The following ZNF248 variants were observed in gnomAD, a reference collection of about 807,000 sequenced individuals.
ZNF248 encodes KRAB protein domain.
In ZNF248, 20 loss-of-function variants were observed where a neutral mutation model predicts 44.3. The observed-to-expected ratio is 0.45, with a 90% CI of 0.32 to 0.66. The LOEUF (loss-of-function observed/expected upper bound fraction) is 0.66. Among genes scored for constraint, ZNF248 ranks in the 30% least tolerant of loss-of-function variants. ZNF248 has a pLI of 0.04. For missense variants in ZNF248, 654 were observed against 677.0 expected (o/e 0.97, Z 0.38); for synonymous variants, 224 against 229.0 (o/e 0.98, Z 0.20).
At chr10:37,777,416 G>A (rs2046705115) in intron 6 of ZNF248, among the ~76,000 whole-genome samples, 1 of 151,854 alleles carries the variant, frequency 6.6e-6, no homozygotes, top group African/African-American at 2.4e-5. Flanking sequence ...TTTCCTCCCT[G>A]TTCCCCTCCC....
At chr10:37,841,560 A>T (rs927080356) in intron 3 of ZNF248, among the ~76,000 whole-genome samples, 2 of 152,222 alleles carry the variant, frequency 1.3e-5, no homozygotes, top group African/African-American at 2.4e-5. Flanking sequence ...AAGAACAGAC[A>T]AATCTCCTGC....
At chr10:37,762,412 C>T in the ZNF248 span, among the ~76,000 whole-genome samples, 5 of 152,156 alleles carry the variant, frequency 3.3e-5, no homozygotes, top group South Asian at 1.0e-3. Context: ...CCAGATCACA[C>T]ACCTAATATG....
At chr10:37,799,196 T>A (rs2049505810) in intron 6 of ZNF248, among the ~76,000 whole-genome samples, 1 of 152,028 alleles carries the variant, frequency 6.6e-6, no homozygotes, top group South Asian at 2.1e-4. Flanking sequence ...AGATTAAAGA[T>A]TTTAAGAATC....
chr10:37,849,507 AC>A (rs1311583096), intron 3 of ZNF248, among the ~76,000 whole-genome samples: 2 of 151,920 alleles, frequency 1.3e-5, no homozygotes, highest in African/African-American at 4.8e-5. Flanking sequence ...ACAAGGTGAA[AC>A]CCCGTTTCTA....
At chr10:37,828,672 G>T, downstream of ZNF248, 1 of 985,050 alleles carries the variant, frequency 1.0e-6, no homozygotes, top group East Asian at 1.1e-4. Context: ...AAGTTGCATT[G>T]AGCAGTCAAA....
chr10:37,780,923 A>T (rs1039346648), intron 6 of ZNF248, among the ~76,000 whole-genome samples: 1 of 152,196 alleles, frequency 6.6e-6, no homozygotes, highest in Non-Finnish European at 1.5e-5. Context: ...AGCACAGGGA[A>T]GCACTGCAGG....
chr10:37,850,441 G>A (rs2134694831), intron 3 of ZNF248, among the ~76,000 whole-genome samples: 1 of 152,214 alleles, frequency 6.6e-6, no homozygotes, highest in East Asian at 1.9e-4. Context: ...GCACAGACAA[G>A]CTTATTCTAA....
In ZNF248 at chr10:37,853,540, G is replaced by A. The variant is rs191618554; in HGVS notation, c.15+2756C>T. Among the ~76,000 whole-genome samples the A allele has an allele frequency of 3.7e-3, 566 of 152,132 alleles. 5 individuals are homozygous for A. Among genetic ancestry groups the A allele is most frequent in the African/African-American group, 0.013 (538 of 41,498 alleles). ...CTACAGGCGCCTGCCACCATGCCCG[G>A]CTAATTTTTTTGTACTTTTAGTAGA... On this transcript the variant is annotated intron_variant, in intron 3 of 5. Transcript: ENST00000395867.
intron 6 of ZNF248, among the ~76,000 whole-genome samples, chr10:37,823,757 A>G (rs1442663143): frequency 6.6e-6 from 1 of 151,998 alleles, no homozygotes; most frequent in East Asian, 1.9e-4. Flanking sequence ...TATTTTTAGT[A>G]GAGAGAAGGT....
the ZNF248 span, among the ~76,000 whole-genome samples, chr10:37,770,040 A>T: frequency 6.6e-6 from 1 of 152,212 alleles, no homozygotes; most frequent in Non-Finnish European, 1.5e-5. Flanking sequence ...CAAAGAGATT[A>T]AAATACCTAG....
intron 6 of ZNF248, among the ~76,000 whole-genome samples, chr10:37,791,155 C>T (rs1319854869): frequency 7.1e-6 from 1 of 141,638 alleles, no homozygotes; most frequent in African/African-American, 2.6e-5. Flanking sequence ...CATTCTCCTG[C>T]CTCAGCCTCC....
chr10:37,820,082 G>C (rs1010567718), intron 6 of ZNF248: 35 of 847,728 alleles, frequency 4.1e-5, no homozygotes, highest in Middle Eastern at 4.5e-4. Flanking sequence ...TATCTCTGTA[G>C]CATCTTTTGC....
intron 6 of ZNF248, among the ~76,000 whole-genome samples, chr10:37,801,887 C>G (rs2049881535): frequency 6.6e-6 from 1 of 152,174 alleles, no homozygotes; most frequent in Non-Finnish European, 1.5e-5. Context: ...CTGGATGAAG[C>G]AAGACCACTG....
At chr10:37,781,921 C>G (rs1469238912) in intron 6 of ZNF248, among the ~76,000 whole-genome samples, 4 of 152,352 alleles carry the variant, frequency 2.6e-5, no homozygotes, top group South Asian at 4.1e-4. Flanking sequence ...ACTGCCTGTG[C>G]ACTTGTCCCA....
At chr10:37,822,594 GTC>G (rs1455887638) in intron 6 of ZNF248, among the ~76,000 whole-genome samples, 2 of 152,022 alleles carry the variant, frequency 1.3e-5, no homozygotes, top group Admixed American at 6.5e-5. Context: ...TTAATAAAAT[GTC>G]TCTGTTATAT....
At chr10:37,765,209 G>A in the ZNF248 span, among the ~76,000 whole-genome samples, 6,408 of 152,108 alleles carry the variant, frequency 0.042, 472 homozygotes, top group African/African-American at 0.15. Context: ...TGCCCACCTC[G>A]GCCTCCCAAA....
chr10:37,800,305 T>C (rs2049656827), intron 6 of ZNF248, among the ~76,000 whole-genome samples: 1 of 152,114 alleles, frequency 6.6e-6, no homozygotes, highest in Non-Finnish European at 1.5e-5. Flanking sequence ...TGTCTATTGT[T>C]CCTTTCATTG....
chr10:37,771,141 T>G, the ZNF248 span, among the ~76,000 whole-genome samples: 1 of 152,144 alleles, frequency 6.6e-6, no homozygotes, highest in Non-Finnish European at 1.5e-5. Context: ...GGAGAAGATG[T>G]GGAGAAATAG....
rs771281944 is a variant in ZNF248 at position 37,832,930 on chromosome 10, G to A, written c.425C>T (p.Ser142Leu). 5.0e-6 allele frequency: 8 copies of A among 1,613,076 alleles called. No homozygotes were observed. In the Admixed American group the frequency reaches 6.7e-5, roughly 13 times the overall value. The change falls in exon 6 of 6, where the codon TCA (serine) becomes TTA (leucine). Residue 142 changes from serine (S) to leucine (L), a missense_variant. Transcript: ENST00000395867. ...AATATTTTTCAAATTCATTTCACAT[G>A]AGTCACATATTTTATAGGGATAATT... The part of the protein sequence containing the change: ...LRNYPYKICD[S>L]CEMNLKNISG...
Sources: allele counts gnomAD v4.1 joint callset (sites outside exome capture counted in the v4.1 genomes callset), GRCh38; gene constraint gnomAD v4.1.1; transcripts MANE v1.5; gene names NCBI Gene and HGNC (gene_info 2026-07-23, HGNC 2026-07-21).